Variants in TRRAP observed in about 807,000 individuals in gnomAD.
TRRAP encodes transformation/transcription domain associated protein, also known as transformation/transcription domain-associated protein.
A neutral mutation model predicts 438.8 loss-of-function variants in TRRAP; 41 were observed. The observed-to-expected ratio is 0.09, with a 90% CI of 0.07 to 0.12. The LOEUF is 0.12. TRRAP is among the 10% of genes least tolerant of loss of function. The probability of loss-of-function intolerance (pLI) is 1.00; values close to 1 mark genes in which losing one functional copy is unlikely to be tolerated. For missense variants in TRRAP, 3,122 were observed against 5,055.1 expected (o/e 0.62, Z 11.60); for synonymous variants, 1,994 against 1,962.9 (o/e 1.02, Z -0.42).
intron 69 of TRRAP, among the ~76,000 whole-genome samples, chr7:99,007,876 A>G (rs1794258626): frequency 7.1e-6 from 1 of 140,322 alleles, no homozygotes; most frequent in African/African-American, 2.7e-5. Context: ...GCCAGGCTGG[A>G]GTGCTGTGGC....
rs907357501 is a variant in TRRAP, at chr7:98,956,426, A to G, written c.6124A>G (p.Ser2042Gly). ...QPDSDMDPNS[S>G]GEGVNSVSSS... ...GGATTCAGATATGGACCCAAATTCC[A>G]GTGGAGAAGGAGTCAATTCTGTCTC... The change falls in exon 43 of 73, where the codon AGT becomes GGT. Residue 2042 changes from serine (S) to glycine (G), a missense_variant. By Grantham distance (56) the Ser-to-Gly change is moderately conservative. Around this residue, in one of 24 missense-constraint regions of TRRAP, gnomAD observed 992 missense variants for 1,281.2 expected, o/e 0.77. Transcript: ENST00000456197. This position sits in a 1 kb window ranked among gnomAD's most constrained non-coding sequence, Gnocchi z 4.5. The G allele has an allele frequency of 6.2e-7, 1 of 1,614,172 alleles. No individual in the cohort carries two copies. Among genetic ancestry groups the G allele is most frequent in the Non-Finnish European group, 8.5e-7 (1 of 1,180,028 alleles).
At chr7:98,995,139 C>T (rs1490496118) in intron 67 of TRRAP, among the ~76,000 whole-genome samples, 1 of 152,150 alleles carries the variant, frequency 6.6e-6, no homozygotes, top group South Asian at 2.1e-4. Context: ...GAGACCCTTC[C>T]TTCACTTGTT....
chr7:98,910,308 A>G lies in TRRAP; in HGVS notation c.1603A>G (p.Lys535Glu), dbSNP rs782004951. ...CTTCGAGAAGCAAGGAGAAAAGGAC[A>G]AGGAAGACAAGCAGACATTCCAAGT... ...PPFEKQGEKD[K>E]EDKQTFQVTD... The change falls in exon 15 of 73, where the codon AAG becomes GAG. Residue 535 changes from lysine to glutamate, a missense_variant. Transcript: ENST00000456197. 2 of 1,608,878 alleles carry G rather than the reference A, an allele frequency of 1.2e-6. No individual in the cohort carries two copies. The highest frequency in any genetic ancestry group is 1.7e-6 in the Non-Finnish European group (2 of 1,179,766).
intron 49 of TRRAP, 118 bp downstream of exon 49, chr7:98,966,013 A>C (rs1584370763): frequency 8.6e-7 from 1 of 1,161,852 alleles, no homozygotes; most frequent in East Asian, 2.6e-5. Flanking sequence ...AATTGCACTC[A>C]CAGCATCTTT....
At chr7:98,977,745 T>C (rs1249056182) in intron 56 of TRRAP, among the ~76,000 whole-genome samples, 1 of 152,348 alleles carries the variant, frequency 6.6e-6, no homozygotes, top group East Asian at 1.9e-4. Context: ...TGTAGGGTGC[T>C]GTGCCGCGGA....
At chr7:98,967,442 T>C (rs1367795064) in intron 50 of TRRAP, 43 bp from the exon 51 acceptor site, 3 of 1,600,232 alleles carry the variant, frequency 1.9e-6, no homozygotes, top group African/African-American at 1.3e-5. Flanking sequence ...GCATATGACT[T>C]GGGGAGTCCA....
At chr7:98,968,658 C>A (rs771203258) in intron 51 of TRRAP, among the ~76,000 whole-genome samples, 1 of 152,134 alleles carries the variant, frequency 6.6e-6, no homozygotes, top group Non-Finnish European at 1.5e-5. Flanking sequence ...CAGGTCACCA[C>A]GTACTATGTC....
chr7:98,971,939 G>A lies in TRRAP; in HGVS notation c.7833G>A (p.Glu2611=), dbSNP rs753058640. 1 of 1,614,146 alleles carries A rather than the reference G, an allele frequency of 6.2e-7. No individual in the cohort carries two copies. Among genetic ancestry groups the A allele is most frequent in the Admixed American group, 1.7e-5 (1 of 60,014 alleles). Residue 2611 remains glutamate (E), a synonymous_variant, in exon 53 of 73, where the codon GAG becomes GAA. Coordinates refer to ENST00000456197, the MANE Select transcript of TRRAP (RefSeq NM_001375524.1). ...RHDKFLDTLR[E]VKTGALLSAF... is the part of the protein sequence containing the mutation. ...ACAAGTTTCTGGACACTCTCCGAGAGGTGAAGGTCTGTACGCAGCTTGGAA... is the reference window on the plus strand; with the variant it reads ...ACAAGTTTCTGGACACTCTCCGAGAAGTGAAGGTCTGTACGCAGCTTGGAA...
intron 22 of TRRAP, among the ~76,000 whole-genome samples, chr7:98,925,610 C>T (rs1006240072): frequency 1.3e-5 from 2 of 152,208 alleles, no homozygotes; most frequent in Non-Finnish European, 2.9e-5. Flanking sequence ...GCAGTGGACC[C>T]TCTGCATTTT....
chr7:98,943,059 T>C (rs782336485), intron 31 of TRRAP, 42 bp downstream of exon 31: 5 of 1,610,234 alleles, frequency 3.1e-6, no homozygotes, highest in Non-Finnish European at 4.2e-6. Flanking sequence ...CCAGCCGCCA[T>C]GCTGGGTCAG....
Position 98,948,451 on chromosome 7 carries a change from A to C in TRRAP, c.4668+111A>C. The C allele has an allele frequency of 1.2e-6, 2 of 1,609,572 alleles. No individual in the cohort carries two copies. The highest frequency in any genetic ancestry group is 1.7e-6 in the Non-Finnish European group (2 of 1,177,748). On this transcript the variant is annotated intron_variant, in intron 34 of 72. Transcript: ENST00000456197. This position sits in a 1 kb window ranked among gnomAD's most constrained non-coding sequence, Gnocchi z 4.9. ...GAACAGCATAAAGACGTTCGATGTC[A>C]ACATTTGCTTGTGGGTGTTCATGCA... is the stretch of plus-strand genomic sequence containing the variant.
At chr7:98,930,890 G>A in intron 25 of TRRAP, 60 bp downstream of exon 25, 2 of 1,601,674 alleles carry the variant, frequency 1.2e-6, no homozygotes, top group Non-Finnish European at 1.7e-6. Context: ...GTTTCCTGAA[G>A]AATACTATAA....
At chr7:98,904,010 A>G (rs1289313311) in intron 12 of TRRAP, among the ~76,000 whole-genome samples, 1 of 152,014 alleles carries the variant, frequency 6.6e-6, no homozygotes, top group Non-Finnish European at 1.5e-5. Flanking sequence ...GGATTTCACC[A>G]TGTTGGCCAG....
chr7:98,941,511 A>G (rs1359310877), intron 30 of TRRAP, among the ~76,000 whole-genome samples: 1 of 152,172 alleles, frequency 6.6e-6, no homozygotes, highest in Non-Finnish European at 1.5e-5. Context: ...CAAACTAAAG[A>G]TGAATTTTAT....
At position 98,959,316 on chromosome 7, in the gene TRRAP, G is replaced by T. The variant is rs186287732; in HGVS notation, c.6343-28G>T. 3 of 1,610,426 alleles carry T rather than the reference G, an allele frequency of 1.9e-6. No individual in the cohort carries two copies. In the East Asian group the frequency reaches 6.7e-5, roughly 36 times the overall value. ...ACTGTAAACTCGGATGCAGTGAAAT[G>T]CCGGCTGTAACTCGGATGAATTCCT... On this transcript the variant is annotated intron_variant, in intron 44 of 72. Transcript: ENST00000456197.
intron 62 of TRRAP, among the ~76,000 whole-genome samples, chr7:98,987,219 T>C (rs1463662917): frequency 6.6e-6 from 1 of 152,204 alleles, no homozygotes; most frequent in Non-Finnish European, 1.5e-5. Flanking sequence ...GTCTCATATT[T>C]CCATATGAAT....
chr7:98,918,997 AAAAG>A (rs1307925853), intron 20 of TRRAP, among the ~76,000 whole-genome samples: 2 of 152,062 alleles, frequency 1.3e-5, no homozygotes, highest in African/African-American at 2.4e-5. Context: ...AAAAAAAAAA[AAAAG>A]AAAAAAAGGT....
At chr7:98,989,037 T>C (rs2116786989) in intron 63 of TRRAP, 71 bp downstream of exon 63, 1 of 1,510,620 alleles carries the variant, frequency 6.6e-7, no homozygotes. Flanking sequence ...AATTTAGCTA[T>C]AGTTTACTCA....
At chr7:98,900,570 A>G in intron 10 of TRRAP, 54 bp from the exon 11 acceptor site, 1 of 1,460,500 alleles carries the variant, frequency 6.8e-7, no homozygotes, top group Non-Finnish European at 9.4e-7. Context: ...CTTTTAATTA[A>G]TACTAACATC....
Sources: gnomAD v4.1 joint callset for allele counts (sites outside exome capture counted in the v4.1 genomes callset) on GRCh38, gnomAD v4.1.1 for gene constraint, gnomAD v4.1.1 regional missense constraint, Gnocchi (gnomAD v3.1) non-coding constraint, MANE v1.5 for transcripts, NCBI Gene and HGNC (gene_info 2026-07-23, HGNC 2026-07-21) for gene names.